CDK8: variants seen among roughly 807,000 people sequenced by gnomAD.
CDK8 encodes the protein cyclin-dependent kinase 8.
Under a neutral mutation model 71.5 loss-of-function variants are expected in CDK8, and 29 were observed. The observed-to-expected ratio is 0.41, with a 90% CI of 0.30 to 0.55. The LOEUF (loss-of-function observed/expected upper bound fraction) is 0.55, where lower values mean the gene tolerates loss of function less well. Ranked by LOEUF, CDK8 falls within the 20% of genes least tolerant of loss-of-function variation. The pLI, the probability that CDK8 is intolerant of heterozygous loss-of-function variation, is 0.37. For synonymous variants in CDK8, 161 were observed against 192.1 expected, an observed-to-expected ratio of 0.84 and a Z score of 1.34; for missense variants, 288 against 572.6, an observed-to-expected ratio of 0.50 and a Z score of 5.07.
At position 26,325,133 on chromosome 13, in the gene CDK8, G is replaced by A. The variant is rs141197032; in HGVS notation, c.129-12434G>A. Among the ~76,000 whole-genome samples, 870 of 152,260 alleles carry A rather than the reference G, an allele frequency of 5.7e-3. 6 individuals are homozygous for A. Among genetic ancestry groups the A allele is most frequent in the African/African-American group, 0.019 (805 of 41,552 alleles). ...TCCTGTTGAATCTGTCTTGTTCAGT[G>A]CCATATCTCAGAGATTATAACAGTG... On this transcript the variant is annotated intron_variant, in intron 1 of 12. Transcript: ENST00000381527.
chr13:26,344,379 A>G lies in CDK8; in HGVS notation c.205-4693A>G, dbSNP rs145323123. ...AAATGCATGTTTCTTTTCGTAAGCT[A>G]AGGTACATATACATTAGCCTAGGCC... On this transcript the variant is annotated intron_variant, in intron 2 of 12. Transcript: ENST00000381527. Among the ~76,000 whole-genome samples the G allele has an allele frequency of 3.9e-5, 6 of 152,238 alleles. No homozygotes were observed. The East Asian group carries it at 1.2e-3, about 29-fold the overall frequency.
chr13:26,336,949 T>G (rs1294796379), intron 1 of CDK8, among the ~76,000 whole-genome samples: 1 of 152,162 alleles, frequency 6.6e-6, no homozygotes, highest in Admixed American at 6.5e-5. Flanking sequence ...TATTGTATTA[T>G]GGTGTGTTAC....
At chr13:26,400,610 C>A in intron 10 of CDK8, 60 bp downstream of exon 10, 1 of 1,003,064 alleles carries the variant, frequency 1.0e-6, no homozygotes, top group Non-Finnish European at 1.6e-6. Context: ...ATGCTTTCTT[C>A]TGCTTGTCAG....
chr13:26,305,917 C>T (rs990686703), intron 1 of CDK8, among the ~76,000 whole-genome samples: 2 of 152,088 alleles, frequency 1.3e-5, no homozygotes, highest in Non-Finnish European at 2.9e-5. Context: ...GGAGCCCTTA[C>T]GAGTCTCTTT....
intron 1 of CDK8, among the ~76,000 whole-genome samples, chr13:26,322,921 G>A (rs971957553): frequency 6.6e-6 from 1 of 151,996 alleles, no homozygotes; most frequent in Non-Finnish European, 1.5e-5. Context: ...CTCCTCTCAC[G>A]ATAATTTTTT....
At chr13:26,306,613 C>T (rs1206739912) in intron 1 of CDK8, among the ~76,000 whole-genome samples, 1 of 147,358 alleles carries the variant, frequency 6.8e-6, no homozygotes, top group East Asian at 2.0e-4. Context: ...CCCTTTGCCC[C>T]TTATTGCTCT....
Position 26,404,212 on chromosome 13 carries a change from G to A in CDK8, c.*131G>A. 9.3e-7 allele frequency: 1 copy of A among 1,070,652 alleles called. No homozygotes were observed. Among genetic ancestry groups the A allele is most frequent in the Middle Eastern group, 2.9e-4 (1 of 3,456 alleles). 66.3% of individuals were successfully genotyped at this position (1,070,652 alleles called of 1,614,324 possible). On this transcript the variant is annotated 3_prime_UTR_variant, in exon 13 of 13. Transcript: ENST00000381527. The stretch of plus-strand genomic sequence containing the variant: ...CATCTTCAAAATGTCCAGTAGCCAA[G>A]TTCCACCACTTTTCACAGATTGGGG...
chr13:26,254,221 G>C lies in CDK8; in HGVS notation c.-421G>C, dbSNP rs1451919281. On this transcript the variant is annotated 5_prime_UTR_variant, in exon 1 of 13. Coordinates refer to ENST00000381527, the MANE Select transcript of CDK8 (RefSeq NM_001260.3). This position sits in a 1 kb window ranked among gnomAD's most constrained non-coding sequence, Gnocchi z 6.7. The stretch of plus-strand genomic sequence containing the variant: ...TGAGTGTGAGCGTGTGTGTGAGAGC[G>C]TGAGGCGTGAGTGCGCGTGTGAGAG... 2 of 266,372 alleles carry C rather than the reference G, an allele frequency of 7.5e-6. No individual in the cohort carries two copies. Among genetic ancestry groups the C allele is most frequent in the Non-Finnish European group, 1.4e-5 (2 of 138,850 alleles). The allele number at this position is 266,372 out of a possible 1,614,324, so 16.5% of individuals were successfully genotyped here. A position where few individuals can be genotyped will look rare whatever the true frequency, so the allele number is the denominator to read the frequency against.
At chr13:26,323,995 T>C (rs1456895897) in intron 1 of CDK8, among the ~76,000 whole-genome samples, 1 of 152,176 alleles carries the variant, frequency 6.6e-6, no homozygotes, top group East Asian at 1.9e-4. Context: ...TACCAGTTTG[T>C]ACTCTTAGTA....
intron 1 of CDK8, among the ~76,000 whole-genome samples, chr13:26,268,310 G>C (rs1006918557): frequency 4.5e-4 from 31 of 69,002 alleles, no homozygotes; most frequent in African/African-American, 7.8e-4. Flanking sequence ...CACACACACA[G>C]TCCTGTGTAT....
At chr13:26,275,835 C>T (rs982901173) in intron 1 of CDK8, among the ~76,000 whole-genome samples, 1 of 151,912 alleles carries the variant, frequency 6.6e-6, no homozygotes, top group Non-Finnish European at 1.5e-5. Context: ...CTAGTACTTC[C>T]ACTTGAGGAA....
In CDK8 at chr13:26,389,042, G is replaced by C. The variant is rs369563026; in HGVS notation, c.646+3700G>C. Among the ~76,000 whole-genome samples the C allele has an allele frequency of 7.2e-4, 109 of 152,268 alleles. 1 individual carries two copies. In the South Asian group the frequency reaches 0.021, roughly 30 times the overall value. The stretch of plus-strand genomic sequence containing the variant: ...GTAACAAAGACTACCAGCCGAAGTT[G>C]TAGTCTTACTTCTATCACTCTGGGG... On this transcript the variant is annotated intron_variant, in intron 6 of 12. Coordinates refer to ENST00000381527, the MANE Select transcript of CDK8 (RefSeq NM_001260.3).
rs1871445999 is a variant in CDK8 at position 26,254,836 on chromosome 13, C to G, written c.128+67C>G. The stretch of plus-strand genomic sequence containing the variant: ...CTCCCGCAGGCCGAGGCAGGTAGCC[C>G]GGAGGGAGAGCGGGCCGCCGGGGTG... On this transcript the variant is annotated intron_variant, in intron 1 of 12. Coordinates refer to ENST00000381527, the MANE Select transcript of CDK8 (RefSeq NM_001260.3). This position sits in a 1 kb window ranked among gnomAD's most constrained non-coding sequence, Gnocchi z 6.7. 6.3e-7 allele frequency: 1 copy of G among 1,577,760 alleles called. No homozygotes were observed. Among genetic ancestry groups the G allele is most frequent in the Non-Finnish European group, 8.6e-7 (1 of 1,159,348 alleles).
At chr13:26,379,386 G>A (rs1206790196) in intron 4 of CDK8, among the ~76,000 whole-genome samples, 1 of 152,104 alleles carries the variant, frequency 6.6e-6, no homozygotes, top group Non-Finnish European at 1.5e-5. Flanking sequence ...TCTAATACTA[G>A]GTCGGACCTT....
At chr13:26,294,660 G>A (rs9578991) in intron 1 of CDK8, among the ~76,000 whole-genome samples, 3,491 of 152,282 alleles carry the variant, frequency 0.023, 136 homozygotes, top group African/African-American at 0.08. Flanking sequence ...GATGATTAGT[G>A]ATGCTCAGCA....
At chr13:26,403,851 A>G (rs1040885737) in intron 12 of CDK8, 105 bp from the exon 13 acceptor site, 1 of 1,388,900 alleles carries the variant, frequency 7.2e-7, no homozygotes, top group South Asian at 1.3e-5. Flanking sequence ...CACAAAACCT[A>G]TACATCCTTT....
intron 1 of CDK8, among the ~76,000 whole-genome samples, chr13:26,335,870 G>A (rs1432697983): frequency 6.6e-6 from 1 of 151,760 alleles, no homozygotes; most frequent in African/African-American, 2.4e-5. Flanking sequence ...CATTCACAAG[G>A]CAGCCAAAGA....
intron 1 of CDK8, among the ~76,000 whole-genome samples, chr13:26,279,119 G>A (rs988595784): frequency 1.8e-4 from 27 of 151,544 alleles, no homozygotes; most frequent in African/African-American, 6.5e-4. Flanking sequence ...TAACGAACCC[G>A]TGAATCCATC....
At chr13:26,385,071 TA>T in intron 5 of CDK8, 139 bp from the exon 6 acceptor site, 1 of 674,704 alleles carries the variant, frequency 1.5e-6, no homozygotes, top group Non-Finnish European at 2.4e-6. Context: ...GTAAGACTTC[TA>T]AAATGGATGT....
Sources: allele counts gnomAD v4.1 joint callset (sites outside exome capture counted in the v4.1 genomes callset), GRCh38; gene constraint gnomAD v4.1.1; non-coding constraint Gnocchi (gnomAD v3.1); transcripts MANE v1.5; gene names NCBI Gene and HGNC (gene_info 2026-07-23, HGNC 2026-07-21).